LY96: variants seen among roughly 807,000 people sequenced by gnomAD.
The protein encoded by LY96 is lymphocyte antigen 96, also known as myeloid differentiation protein-2.
Under a neutral mutation model 18.9 loss-of-function variants are expected in LY96, and 18 were observed. The observed-to-expected ratio is 0.95, with a 90% CI of 0.66 to 1.41. LY96 has a LOEUF of 1.41. LY96 is among the 40% of genes most tolerant of loss of function. LY96 has a pLI of 0.00. For missense variants in LY96, 175 were observed against 182.4 expected, an observed-to-expected ratio of 0.96 and a Z score of 0.23; for synonymous variants, 66 against 62.6, an observed-to-expected ratio of 1.06 and a Z score of -0.26.
chr8:74,062,647 G>T, the LY96 span, among the ~76,000 whole-genome samples: 1 of 152,136 alleles, frequency 6.6e-6, no homozygotes, highest in African/African-American at 2.4e-5. Context: ...GTCTGTTGTT[G>T]ATGGGCGTTT....
At chr8:74,073,641 AT>A in the LY96 span, among the ~76,000 whole-genome samples, 27 of 7,218 alleles carry the variant, frequency 3.7e-3, no homozygotes, top group African/African-American at 0.019. Flanking sequence ...AGATTGATGA[AT>A]TTATTTATTT....
chr8:73,994,075 C>T (rs147059682), intron 1 of LY96, among the ~76,000 whole-genome samples: 2,773 of 152,154 alleles, frequency 0.018, 35 homozygotes, highest in South Asian at 0.035. Flanking sequence ...ACCTCTGCCT[C>T]CTGGGTTCAA....
At chr8:74,027,255 A>G (rs1414185259) in intron 4 of LY96, among the ~76,000 whole-genome samples, 1 of 151,140 alleles carries the variant, frequency 6.6e-6, no homozygotes, top group Non-Finnish European at 1.5e-5. Context: ...TTTCATGAAT[A>G]GCAGTTCGAG....
chr8:74,004,520 T>A lies in LY96; in HGVS notation c.113-276T>A, dbSNP rs1816368924. Among the ~76,000 whole-genome samples, 3 of 152,190 alleles carry A rather than the reference T, an allele frequency of 2.0e-5. No individual in the cohort carries two copies. The South Asian group carries it at 6.2e-4, about 32-fold the overall frequency. ...GGCTTTGTTGAATCTGGTTTTGTGT[T>A]CTCCTTGCATGCAGGAGTCTTTCAA... On this transcript the variant is annotated intron_variant, in intron 1 of 4. Coordinates refer to ENST00000284818, the MANE Select transcript of LY96 (RefSeq NM_015364.5).
chr8:73,993,016 G>A (rs922635382), intron 1 of LY96, among the ~76,000 whole-genome samples: 12 of 151,338 alleles, frequency 7.9e-5, no homozygotes, highest in Admixed American at 2.6e-4. Flanking sequence ...CACCACACCC[G>A]GCTAATTTTT....
the LY96 span, among the ~76,000 whole-genome samples, chr8:74,069,706 G>C: frequency 6.6e-6 from 1 of 151,950 alleles, no homozygotes; most frequent in Non-Finnish European, 1.5e-5. Flanking sequence ...GGATTCAAGC[G>C]ATTCTCCCCT....
chr8:74,081,034 CTTTCTTTCTTTCTT>C, the LY96 span, among the ~76,000 whole-genome samples: 544 of 118,456 alleles, frequency 4.6e-3, 5 homozygotes, highest in African/African-American at 5.3e-3. Flanking sequence ...TTCTTTCTTT[CTTTCTTTCTTTCTT>C]TTTCTTTCTT....
At chr8:74,064,328 A>C in the LY96 span, among the ~76,000 whole-genome samples, 1 of 152,200 alleles carries the variant, frequency 6.6e-6, no homozygotes, top group East Asian at 1.9e-4. Context: ...TCATGTTAAA[A>C]TGTGATCCCC....
the LY96 span, among the ~76,000 whole-genome samples, chr8:74,041,301 C>G: frequency 5.9e-5 from 9 of 152,266 alleles, no homozygotes; most frequent in Non-Finnish European, 7.4e-5. Context: ...TGAGAATGTA[C>G]ATCACCTCAG....
chr8:74,008,419 C>A (rs553931001), intron 2 of LY96, among the ~76,000 whole-genome samples: 1 of 152,242 alleles, frequency 6.6e-6, no homozygotes, highest in African/African-American at 2.4e-5. Context: ...AGTTCAAGCC[C>A]AAGTCCATGG....
the LY96 span, among the ~76,000 whole-genome samples, chr8:74,049,771 T>C: frequency 6.6e-6 from 1 of 152,198 alleles, no homozygotes; most frequent in East Asian, 1.9e-4. Context: ...AGCAGGATGG[T>C]ATTTTAAGTT....
intron 3 of LY96, among the ~76,000 whole-genome samples, chr8:74,021,442 G>T (rs558571062): frequency 4.8e-4 from 73 of 152,236 alleles, no homozygotes; most frequent in Non-Finnish European, 6.9e-4. Flanking sequence ...AGAGGATGTG[G>T]AGAAATAGGA....
intron 1 of LY96, among the ~76,000 whole-genome samples, chr8:74,002,089 TTCTTTC>T (rs1196163736): frequency 0.02 from 510 of 25,058 alleles, 109 homozygotes; most frequent in African/African-American, 0.055. Flanking sequence ...CTTTCTTTCT[TTCTTTC>T]TCTCTCTCTC....
At chr8:74,081,058 T>C in the LY96 span, among the ~76,000 whole-genome samples, 1,269 of 130,376 alleles carry the variant, frequency 9.7e-3, 28 homozygotes, top group African/African-American at 0.025. Context: ...TTTTCTTTCT[T>C]TCTTTCTTAC....
At chr8:74,095,032 G>A in the LY96 span, among the ~76,000 whole-genome samples, 32 of 152,300 alleles carry the variant, frequency 2.1e-4, no homozygotes, top group Admixed American at 1.2e-3. Flanking sequence ...ACAGAGAAAG[G>A]ACAGTGAATT....
the LY96 span, among the ~76,000 whole-genome samples, chr8:74,081,699 G>A: frequency 6.6e-6 from 1 of 152,010 alleles, no homozygotes; most frequent in Non-Finnish European, 1.5e-5. Context: ...TGTCACCCAG[G>A]CTGGAGTGCA....
chr8:74,042,457 G>A, the LY96 span, among the ~76,000 whole-genome samples: 24 of 152,018 alleles, frequency 1.6e-4, no homozygotes, highest in African/African-American at 5.8e-4. Flanking sequence ...GGAGGTGGAG[G>A]TTGCAGTGAG....
the LY96 span, among the ~76,000 whole-genome samples, chr8:74,038,261 T>G: frequency 1.3e-5 from 2 of 152,218 alleles, no homozygotes; most frequent in African/African-American, 4.8e-5. Context: ...ATAGTCACTC[T>G]GCTGTGCTAC....
the LY96 span, among the ~76,000 whole-genome samples, chr8:74,067,103 G>A: frequency 6.6e-6 from 1 of 152,164 alleles, no homozygotes; most frequent in African/African-American, 2.4e-5. Flanking sequence ...CAAAAGTTTT[G>A]GTTACAGGCA....
Sources: allele counts gnomAD v4.1 joint callset (sites outside exome capture counted in the v4.1 genomes callset), GRCh38; gene constraint gnomAD v4.1.1; transcripts MANE v1.5; gene names NCBI Gene and HGNC (gene_info 2026-07-23, HGNC 2026-07-21).